Variants in SYCP2L observed in about 807,000 individuals in gnomAD.
SYCP2L encodes the protein synaptonemal complex protein 2-like.
A neutral mutation model predicts 125.8 loss-of-function variants in SYCP2L; 98 were observed. The ratio of observed to expected loss-of-function variants is 0.78; its 90% CI spans 0.66 to 0.92. SYCP2L has a LOEUF of 0.92. Among genes scored for constraint, SYCP2L ranks in the 40% least tolerant of loss-of-function variants. The pLI is 0.00. For missense variants in SYCP2L, 842 were observed against 936.4 expected (o/e 0.90, Z 1.32); for synonymous variants, 317 against 325.4 (o/e 0.97, Z 0.28).
chr6:10,969,510 G>A (rs954331920), intron 29 of SYCP2L, among the ~76,000 whole-genome samples: 1 of 151,628 alleles, frequency 6.6e-6, no homozygotes, highest in Non-Finnish European at 1.5e-5. Flanking sequence ...ACAGGCGCCC[G>A]CCACCACGCC....
intron 14 of SYCP2L, among the ~76,000 whole-genome samples, chr6:10,915,674 C>T (rs1780681587): frequency 6.6e-6 from 1 of 152,142 alleles, no homozygotes; most frequent in Admixed American, 6.5e-5. Flanking sequence ...ATGAAACCCA[C>T]CTGATGATGG....
intron 8 of SYCP2L, among the ~76,000 whole-genome samples, chr6:10,904,339 C>T (rs947633238): frequency 6.6e-5 from 10 of 152,316 alleles, no homozygotes; most frequent in South Asian, 2.1e-4. Flanking sequence ...CCCACGACTG[C>T]GCTAACAACC....
chr6:10,961,259 A>C (rs372945035), intron 26 of SYCP2L, 46 bp from the exon 27 acceptor site: 2 of 1,478,378 alleles, frequency 1.4e-6, no homozygotes, highest in Admixed American at 3.4e-5. Flanking sequence ...GTCTGCTGTC[A>C]CATCCAAGCG....
At chr6:10,961,646 A>G in intron 28 of SYCP2L, 88 bp downstream of exon 28, 2 of 1,302,868 alleles carry the variant, frequency 1.5e-6, no homozygotes, top group South Asian at 2.5e-5. Context: ...GGTGACGGTA[A>G]AACTCCCATA....
At chr6:10,927,183 G>C in intron 16 of SYCP2L, 57 bp from the exon 17 acceptor site, 11 of 1,599,588 alleles carry the variant, frequency 6.9e-6, no homozygotes, top group Non-Finnish European at 9.4e-6. Flanking sequence ...AAGACCACTG[G>C]TGAGTATGTC....
intron 6 of SYCP2L, among the ~76,000 whole-genome samples, chr6:10,900,649 AGACG>A (rs1283800313): frequency 6.6e-6 from 1 of 152,142 alleles, no homozygotes; most frequent in East Asian, 1.9e-4. Flanking sequence ...CATCGCGCCT[AGACG>A]GAGCCAGAGC....
At chr6:10,895,632 G>GT (rs1383095281) in intron 4 of SYCP2L, among the ~76,000 whole-genome samples, 3 of 151,756 alleles carry the variant, frequency 2.0e-5, no homozygotes, top group Non-Finnish European at 4.4e-5. Flanking sequence ...AGAACAAAAG[G>GT]GGGGGGTACT....
chr6:10,972,705 C>G (rs187776742), intron 29 of SYCP2L, among the ~76,000 whole-genome samples: 1 of 152,250 alleles, frequency 6.6e-6, no homozygotes, highest in East Asian at 1.9e-4. Flanking sequence ...TTTATTTAGT[C>G]TATTTTGAGA....
chr6:10,887,511 C>G (rs1021556794), intron 1 of SYCP2L, among the ~76,000 whole-genome samples: 1 of 152,142 alleles, frequency 6.6e-6, no homozygotes, highest in African/African-American at 2.4e-5. Context: ...AGTGCTGGGA[C>G]TTCATTTAAC....
intron 21 of SYCP2L, among the ~76,000 whole-genome samples, chr6:10,942,242 A>G (rs1781237234): frequency 6.6e-6 from 1 of 152,170 alleles, no homozygotes. Context: ...GCACATGTAT[A>G]CATACGTAAC....
intron 4 of SYCP2L, among the ~76,000 whole-genome samples, chr6:10,897,512 AG>A (rs1320358591): frequency 6.6e-6 from 1 of 151,768 alleles, no homozygotes; most frequent in Non-Finnish European, 1.5e-5. Context: ...TCTGGGGTCA[AG>A]TGATCCTCAT....
At chr6:10,939,498 A>C (rs1371189373) in intron 21 of SYCP2L, among the ~76,000 whole-genome samples, 1 of 152,252 alleles carries the variant, frequency 6.6e-6, no homozygotes, top group Non-Finnish European at 1.5e-5. Flanking sequence ...ATAGTAATCA[A>C]AACAGTATAG....
Position 10,894,090 on chromosome 6 carries a change from A to G in SYCP2L, c.222A>G (p.Leu74=), listed in dbSNP as rs1482133285. 1.9e-6 allele frequency: 3 copies of G among 1,611,424 alleles called. No homozygotes were observed. Among genetic ancestry groups the G allele is most frequent in the Non-Finnish European group, 2.5e-6 (3 of 1,179,468 alleles). The part of the protein sequence containing the change: ...YRLDRSINKE[L]DKNEFQSVSL... ...TTAGTGTGGTTTATACCTAGGAACT[A>G]GATAAAAATGAATTTCAGTCTGTGT... Residue 74 remains leucine, a synonymous_variant, in exon 4 of 30, where the codon CTA becomes CTG. Transcript: ENST00000283141.
intron 26 of SYCP2L, 49 bp from the exon 27 acceptor site, chr6:10,961,256 G>A (rs1031140536): frequency 6.9e-7 from 1 of 1,458,170 alleles, no homozygotes; most frequent in Non-Finnish European, 9.6e-7. Flanking sequence ...AAAGTCTGCT[G>A]TCACATCCAA....
intron 10 of SYCP2L, among the ~76,000 whole-genome samples, chr6:10,908,984 C>G (rs1029771543): frequency 6.6e-6 from 1 of 152,116 alleles, no homozygotes; most frequent in Non-Finnish European, 1.5e-5. Context: ...CTGTTGTAGG[C>G]GCTCACGTGT....
rs750919929 is a variant in SYCP2L at position 10,887,146 on chromosome 6, C to T, written c.9+11C>T. 9 of 1,614,068 alleles carry T rather than the reference C, an allele frequency of 5.6e-6. No homozygotes were observed. Among genetic ancestry groups the T allele is most frequent in the East Asian group, 2.2e-5 (1 of 44,870 alleles). On this transcript the variant is annotated intron_variant, in intron 1 of 29. Coordinates refer to ENST00000283141, the MANE Select transcript of SYCP2L (RefSeq NM_001040274.3). ...CTCGTTATGCAAGCGGTGAGTGACC[C>T]CCGAAGGGCCCGGACCTTCTGTCCA...
intron 16 of SYCP2L, among the ~76,000 whole-genome samples, chr6:10,926,848 C>T (rs181749977): frequency 1.5e-4 from 23 of 149,358 alleles, no homozygotes; most frequent in Admixed American, 6.8e-4. Context: ...GGCACGATCT[C>T]GGCTCACTGC....
intron 29 of SYCP2L, among the ~76,000 whole-genome samples, chr6:10,967,546 T>G (rs1258370562): frequency 6.7e-6 from 1 of 149,240 alleles, no homozygotes; most frequent in Non-Finnish European, 1.5e-5. Flanking sequence ...ATATCATACA[T>G]GCAAGGATGG....
intron 6 of SYCP2L, among the ~76,000 whole-genome samples, chr6:10,900,854 G>A (rs1045456016): frequency 3.3e-5 from 5 of 152,196 alleles, no homozygotes; most frequent in Admixed American, 1.3e-4. Flanking sequence ...TCACCTTAGC[G>A]GGGCTGGCCT....
Sources: allele counts gnomAD v4.1 joint callset (sites outside exome capture counted in the v4.1 genomes callset), GRCh38; gene constraint gnomAD v4.1.1; transcripts MANE v1.5; gene names NCBI Gene and HGNC (gene_info 2026-07-23, HGNC 2026-07-21).